The following KTN1 variants were observed in gnomAD, a reference collection of about 807,000 sequenced individuals.
KTN1 encodes kinectin 1.
In KTN1, 130 loss-of-function variants were observed where a neutral mutation model predicts 222.5. That is an observed-to-expected ratio of 0.58 (90% CI 0.51 to 0.68). The LOEUF is 0.68. Ranked by LOEUF, KTN1 falls within the 30% of genes least tolerant of loss-of-function variation. The pLI is 0.00. For synonymous variants in KTN1, 512 were observed against 496.3 expected, an observed-to-expected ratio of 1.03 and a Z score of -0.42; for missense variants, 1,508 against 1,500.4, an observed-to-expected ratio of 1.01 and a Z score of -0.08.
At chr14:55,654,189 A>G (rs972816696) in intron 28 of KTN1, among the ~76,000 whole-genome samples, 6 of 152,176 alleles carry the variant, frequency 3.9e-5, no homozygotes, top group African/African-American at 1.2e-4. Context: ...ATGGTGGGAA[A>G]GGGTATCTGG....
intron 1 of KTN1, among the ~76,000 whole-genome samples, chr14:55,590,149 G>T (rs1384736062): frequency 1.3e-5 from 2 of 152,066 alleles, no homozygotes; most frequent in African/African-American, 2.4e-5. Context: ...TGCTTTTATT[G>T]TAATTGTATA....
intron 3 of KTN1, 73 bp from the exon 4 acceptor site, chr14:55,617,891 A>G (rs577103235): frequency 1.8e-6 from 2 of 1,102,912 alleles, no homozygotes; most frequent in African/African-American, 1.6e-5. Flanking sequence ...ATTTATCATT[A>G]AATTATGCTT....
intron 1 of KTN1, among the ~76,000 whole-genome samples, chr14:55,580,917 T>G (rs776366704): frequency 2.0e-5 from 3 of 152,072 alleles, no homozygotes; most frequent in Non-Finnish European, 4.4e-5. Flanking sequence ...CCGGCGCCCC[T>G]CCCGCTGCCC....
At chr14:55,631,795 A>T (rs1172599484) in intron 7 of KTN1, among the ~76,000 whole-genome samples, 1 of 151,886 alleles carries the variant, frequency 6.6e-6, no homozygotes, top group East Asian at 1.9e-4. Context: ...AAAAACTCCA[A>T]ACCTCTTTAT....
intron 25 of KTN1, 82 bp from the exon 26 acceptor site, chr14:55,652,768 A>G (rs2043073815): frequency 3.4e-6 from 3 of 885,318 alleles, no homozygotes; most frequent in South Asian, 3.2e-5. Flanking sequence ...TACCCAAAAT[A>G]TACTTTTTTC....
chr14:55,673,189 T>G lies in KTN1; in HGVS notation c.3705T>G (p.Thr1235=). 9 of 1,612,870 alleles carry G rather than the reference T, an allele frequency of 5.6e-6. No homozygotes were observed. Among genetic ancestry groups the G allele is most frequent in the Non-Finnish European group, 7.6e-6 (9 of 1,179,140 alleles). ...CATTGCAGCTGAAAGATCTGTTGAC[T>G]GAATTGCAGAAAAAACTTGATGATT... is the stretch of plus-strand genomic sequence containing the variant. The part of the protein sequence containing the change: ...TEVRELKDLL[T]ELQKKLDDSY... The change falls in exon 40 of 44, where the codon ACT becomes ACG. Residue 1235 remains threonine, a synonymous_variant. Transcript: ENST00000395314.
At position 55,650,495 on chromosome 14, in the gene KTN1, TTGTC is replaced by T. The variant is rs1184282648; in HGVS notation, c.2497-70_2497-67del. The T allele has an allele frequency of 3.3e-6, 5 of 1,510,454 alleles. 1 individual carries two copies. Among genetic ancestry groups the T allele is most frequent in the Non-Finnish European group, 3.7e-6 (4 of 1,091,360 alleles). The allele number at this position is 1,510,454 out of a possible 1,614,324, so 93.6% of individuals were successfully genotyped here. ...TAATATCATTTAATTTCGTGTGTTT[TTGTC>T]TGTGCATTGCATTTTATGTCAATTT... On this transcript the variant is annotated intron_variant, in intron 23 of 43. Transcript: ENST00000395314.
At chr14:55,651,604 C>G (rs1334535855) in intron 24 of KTN1, 1 of 399,930 alleles carries the variant, frequency 2.5e-6, no homozygotes, top group Non-Finnish European at 4.6e-6. Context: ...TATTCCTTCT[C>G]CATCCCACTG....
intron 12 of KTN1, among the ~76,000 whole-genome samples, chr14:55,638,532 T>A (rs1035395167): frequency 6.6e-6 from 1 of 151,826 alleles, no homozygotes; most frequent in Admixed American, 6.6e-5. Flanking sequence ...TTTTTAAGGT[T>A]CGGAGAAGTT....
intron 4 of KTN1, 149 bp from the exon 5 acceptor site, chr14:55,619,033 A>G: frequency 1.7e-6 from 1 of 599,378 alleles, no homozygotes; most frequent in Middle Eastern, 4.5e-4. Flanking sequence ...TGACTGGAGT[A>G]TTTGTTTTAT....
chr14:55,649,910 G>T, intron 22 of KTN1, 97 bp downstream of exon 22: 1 of 634,400 alleles, frequency 1.6e-6, no homozygotes. Context: ...AGTTGGGACA[G>T]CTGATGTATG....
chr14:55,604,510 C>T (rs896696403), intron 1 of KTN1, among the ~76,000 whole-genome samples: 4 of 152,124 alleles, frequency 2.6e-5, no homozygotes, highest in Admixed American at 2.0e-4. Context: ...AATTTAATGA[C>T]TGTCCACATC....
At position 55,612,436 on chromosome 14, in the gene KTN1, A is replaced by C; in HGVS notation, c.388A>C (p.Ile130Leu). The C allele has an allele frequency of 1.2e-6, 2 of 1,614,216 alleles. No homozygotes were observed. Residue 130 changes from isoleucine to leucine, a missense_variant, in exon 2 of 44, where the codon ATC becomes CTC. By Grantham distance (5) the Ile-to-Leu change is conservative (BLOSUM62 2). Coordinates refer to ENST00000395314, the MANE Select transcript of KTN1 (RefSeq NM_001079521.2). Reference sequence around the variant, plus strand: ...AAAGCCTGTGCTTGAAGAGCAGGTCATCAAAGAAAGTGACGCATCAAAGAT... The same window carrying C: ...AAAGCCTGTGCTTGAAGAGCAGGTCCTCAAAGAAAGTGACGCATCAAAGAT... The part of the protein sequence containing the change: ...KQKPVLEEQV[I>L]KESDASKIPG...
chr14:55,605,447 T>G (rs1056790293), intron 1 of KTN1, among the ~76,000 whole-genome samples: 19 of 152,124 alleles, frequency 1.2e-4, no homozygotes, highest in African/African-American at 3.4e-4. Flanking sequence ...TTTAAAAACC[T>G]TAAGGAGCCT....
intron 5 of KTN1, among the ~76,000 whole-genome samples, chr14:55,620,110 A>G (rs2038939189): frequency 6.6e-6 from 1 of 152,212 alleles, no homozygotes; most frequent in African/African-American, 2.4e-5. Flanking sequence ...TCTGAAATCC[A>G]GTGGGGCAGT....
In KTN1 at chr14:55,672,094, G is replaced by A. The variant is rs986808882; in HGVS notation, c.3531+217G>A. The A allele has an allele frequency of 2.7e-5, 13 of 481,576 alleles. No homozygotes were observed. The Admixed American group carries it at 3.4e-4, about 13-fold the overall frequency. The allele number at this position is 481,576 out of a possible 1,614,324, so 29.8% of individuals were successfully genotyped here. ...CACTGGTTTTAAAGTATGACTAAAGGGTAATCATATAGAATGTAGAATGCT... is the reference window on the plus strand; with the variant it reads ...CACTGGTTTTAAAGTATGACTAAAGAGTAATCATATAGAATGTAGAATGCT... On this transcript the variant is annotated intron_variant, in intron 37 of 43. Coordinates refer to ENST00000395314, the MANE Select transcript of KTN1 (RefSeq NM_001079521.2).
intron 18 of KTN1, among the ~76,000 whole-genome samples, chr14:55,645,227 G>A (rs2042177656): frequency 6.6e-6 from 1 of 152,156 alleles, no homozygotes; most frequent in African/African-American, 2.4e-5. Context: ...GGAATACAAT[G>A]TTCAAAGACA....
intron 31 of KTN1, 65 bp downstream of exon 31, chr14:55,659,768 C>T (rs775625973): frequency 7.9e-5 from 73 of 926,562 alleles, no homozygotes; most frequent in Non-Finnish European, 1.1e-4. Flanking sequence ...AAACCATTCT[C>T]AAATAAGCAA....
chr14:55,633,108 T>C (rs2040720762), intron 7 of KTN1, 127 bp from the exon 8 acceptor site: 2 of 472,816 alleles, frequency 4.2e-6, no homozygotes, highest in Non-Finnish European at 7.5e-6. Flanking sequence ...TTATATTTAT[T>C]TGAGAAGAAT....
Sources: gnomAD v4.1 joint callset for allele counts (sites outside exome capture counted in the v4.1 genomes callset) on GRCh38, gnomAD v4.1.1 for gene constraint, MANE v1.5 for transcripts, NCBI Gene and HGNC (gene_info 2026-07-23, HGNC 2026-07-21) for gene names.